IL20RB: variants seen among roughly 807,000 people sequenced by gnomAD.
The protein encoded by IL20RB is interleukin 20 receptor subunit beta.
IL20RB carries 21 observed loss-of-function variants against 33.3 expected under a neutral mutation model. That is an observed-to-expected ratio of 0.63 (90% CI 0.45 to 0.91). The LOEUF (loss-of-function observed/expected upper bound fraction) is 0.91. IL20RB is among the 40% of genes least tolerant of loss of function. IL20RB has a pLI of 0.00. For synonymous variants in IL20RB, 147 were observed against 146.8 expected (o/e 1.00, Z -0.01); for missense variants, 345 against 384.8 (o/e 0.90, Z 0.86).
intron 1 of IL20RB, among the ~76,000 whole-genome samples, chr3:136,963,224 C>G (rs1407802311): frequency 6.6e-6 from 1 of 152,138 alleles, no homozygotes; most frequent in African/African-American, 2.4e-5. Context: ...TGAAGGACAT[C>G]TGGGCCGATT....
chr3:136,988,983 T>C (rs1941972350), intron 3 of IL20RB, among the ~76,000 whole-genome samples: 1 of 152,040 alleles, frequency 6.6e-6, no homozygotes, highest in South Asian at 2.1e-4. Context: ...TGAGCTCACA[T>C]AGGCATTTGG....
intron 6 of IL20RB, among the ~76,000 whole-genome samples, chr3:137,009,669 AGCTGG>A (rs1335810247): frequency 6.6e-6 from 1 of 152,056 alleles, no homozygotes; most frequent in Non-Finnish European, 1.5e-5. Context: ...CCTCACGAGT[AGCTGG>A]GACCACAGAC....
chr3:137,010,543 A>G lies in IL20RB; in HGVS notation c.*320A>G, dbSNP rs1213842203. ...GGAATTACCTACACACCTGCTAAAC[A>G]CACACACACAGAGTCTCTCTCTATA... On this transcript the variant is annotated 3_prime_UTR_variant, in exon 7 of 7. Transcript: ENST00000329582. The G allele has an allele frequency of 8.0e-6, 2 of 250,348 alleles. No homozygotes were observed. The highest frequency in any genetic ancestry group is 1.6e-5 in the Non-Finnish European group (2 of 128,964). The allele number at this position is 250,348 out of a possible 1,614,324, so 15.5% of individuals were successfully genotyped here. A position where few individuals can be genotyped will look rare whatever the true frequency, so the allele number is the denominator to read the frequency against.
chr3:136,981,537 C>A (rs951994400), intron 2 of IL20RB, among the ~76,000 whole-genome samples: 2 of 152,116 alleles, frequency 1.3e-5, no homozygotes, highest in Non-Finnish European at 2.9e-5. Context: ...CCTGGGATGG[C>A]CTCTCTGAGG....
intron 1 of IL20RB, among the ~76,000 whole-genome samples, chr3:136,971,777 A>G (rs775606998): frequency 2.0e-5 from 3 of 152,210 alleles, no homozygotes; most frequent in Non-Finnish European, 2.9e-5. Flanking sequence ...TGCTATTGTG[A>G]GTAATGGTGC....
intron 2 of IL20RB, among the ~76,000 whole-genome samples, chr3:136,981,192 G>C (rs1164754675): frequency 6.6e-6 from 1 of 152,032 alleles, no homozygotes; most frequent in Non-Finnish European, 1.5e-5. Flanking sequence ...ATCTAGAGGA[G>C]GATACAGATG....
At position 136,989,526 on chromosome 3, in the gene IL20RB, G is replaced by GGCC; in HGVS notation, c.492_493insGCC (p.Glu164_Phe165insAla). The GGCC allele has an allele frequency of 6.2e-7, 1 of 1,614,074 alleles. No homozygotes were observed. The highest frequency in any genetic ancestry group is 8.5e-7 in the Non-Finnish European group (1 of 1,179,966). ...TGGAGGACCTGGGGCCCCAGTTTGA[G>GGCC]TTCCTTGTGGCCTACTGGAGGAGGG... On this transcript the variant is annotated inframe_insertion, in exon 4 of 7. Coordinates refer to ENST00000329582, the MANE Select transcript of IL20RB (RefSeq NM_144717.4).
intron 2 of IL20RB, among the ~76,000 whole-genome samples, chr3:136,981,146 T>C (rs1355168085): frequency 6.6e-6 from 1 of 152,116 alleles, no homozygotes. Context: ...GGCTCAGGGA[T>C]ACAGTTGACA....
intron 1 of IL20RB, among the ~76,000 whole-genome samples, chr3:136,963,025 GCT>G (rs1373231702): frequency 6.6e-6 from 1 of 152,166 alleles, no homozygotes; most frequent in African/African-American, 2.4e-5. Flanking sequence ...GTATATGAGA[GCT>G]CTCTGTATTA....
intron 4 of IL20RB, among the ~76,000 whole-genome samples, chr3:136,990,859 G>C (rs1056284948): frequency 6.6e-6 from 1 of 152,240 alleles, no homozygotes; most frequent in African/African-American, 2.4e-5. Flanking sequence ...GCCCACGGTA[G>C]GATATGGCAT....
At chr3:136,974,003 T>A (rs535629203) in intron 1 of IL20RB, among the ~76,000 whole-genome samples, 43 of 152,298 alleles carry the variant, frequency 2.8e-4, no homozygotes, top group Non-Finnish European at 4.7e-4. Flanking sequence ...ACTTTTTTTT[T>A]ATTTATTCAG....
At position 136,962,137 on chromosome 3, in the gene IL20RB, A is replaced by G. The variant is rs568564931; in HGVS notation, c.88+3936A>G. On this transcript the variant is annotated intron_variant, in intron 1 of 6. Transcript: ENST00000329582. Reference sequence around the variant, plus strand: ...TCACTACTAGAACATCACAGCAATAATTATTACAAGAAATATCCATCAGTA... The same window carrying G: ...TCACTACTAGAACATCACAGCAATAGTTATTACAAGAAATATCCATCAGTA... Among the ~76,000 whole-genome samples the G allele has an allele frequency of 7.9e-5, 12 of 152,350 alleles. No individual in the cohort carries two copies. In the East Asian group the frequency reaches 1.7e-3, roughly 22 times the overall value.
At chr3:136,983,604 A>G (rs1282452564) in intron 3 of IL20RB, among the ~76,000 whole-genome samples, 1 of 152,196 alleles carries the variant, frequency 6.6e-6, no homozygotes, top group African/African-American at 2.4e-5. Flanking sequence ...GGGGACAGAA[A>G]AGGGAGAGAT....
chr3:136,986,776 A>G (rs1314164529), intron 3 of IL20RB: 1 of 456,200 alleles, frequency 2.2e-6, no homozygotes, highest in African/African-American at 2.0e-5. Context: ...GAAGCCGCAG[A>G]CCCTCGCGGT....
At chr3:136,981,613 G>T (rs75976) in intron 2 of IL20RB, among the ~76,000 whole-genome samples, 1 of 152,000 alleles carries the variant, frequency 6.6e-6, no homozygotes, top group South Asian at 2.1e-4. Flanking sequence ...GGGGCAGAGC[G>T]TTTGAGATGG....
At chr3:136,973,423 G>A (rs1008454508) in intron 1 of IL20RB, among the ~76,000 whole-genome samples, 3 of 152,088 alleles carry the variant, frequency 2.0e-5, no homozygotes, top group African/African-American at 7.2e-5. Flanking sequence ...CCCAGGAGGC[G>A]GAGGTTGCAG....
Position 136,982,244 on chromosome 3 carries a change from T to G in IL20RB, c.300T>G (p.Thr100=). The change falls in exon 3 of 7, where the codon ACT becomes ACG. Residue 100 remains threonine (T), a synonymous_variant. Coordinates refer to ENST00000329582, the MANE Select transcript of IL20RB (RefSeq NM_144717.4). ...SLTEGPECDV[T]DDITATVPYN... ...CTGAAGGTCCTGAGTGTGATGTCAC[T>G]GATGACATCACGGCCACTGTGCCAT... The G allele has an allele frequency of 6.2e-7, 1 of 1,610,448 alleles. No individual in the cohort carries two copies. The highest frequency in any genetic ancestry group is 8.5e-7 in the Non-Finnish European group (1 of 1,176,908).
At chr3:136,972,917 T>C (rs1941524118) in intron 1 of IL20RB, among the ~76,000 whole-genome samples, 1 of 152,190 alleles carries the variant, frequency 6.6e-6, no homozygotes, top group East Asian at 1.9e-4. Flanking sequence ...ACTTTTTCAA[T>C]GTAAGCATTT....
chr3:136,989,456 C>G lies in IL20RB; in HGVS notation c.422C>G (p.Pro141Arg), dbSNP rs969462629. The G allele has an allele frequency of 2.5e-6, 4 of 1,613,798 alleles. No individual in the cohort carries two copies. The highest frequency in any genetic ancestry group is 3.4e-6 in the Non-Finnish European group (4 of 1,179,882). ...TTGCCAACAGCCATCCTTACCCGAC[C>G]TGGGATGGAGATCACCAAAGATGGC... ...FNRNSTILTR[P>R]GMEITKDGFH... is the part of the protein sequence containing the mutation. Residue 141 changes from proline (P) to arginine (R), a missense_variant, in exon 4 of 7, where the codon CCT (proline) becomes CGT (arginine). Transcript: ENST00000329582.
Sources: allele counts gnomAD v4.1 joint callset (sites outside exome capture counted in the v4.1 genomes callset), GRCh38; gene constraint gnomAD v4.1.1; transcripts MANE v1.5; gene names NCBI Gene and HGNC (gene_info 2026-07-23, HGNC 2026-07-21).